DYNLRB1: variants seen among roughly 807,000 people sequenced by gnomAD.
The protein encoded by DYNLRB1 is ROBL/LC7-like 1.
DYNLRB1 carries 6 observed loss-of-function variants against 13.5 expected under a neutral mutation model. The ratio of observed to expected loss-of-function variants is 0.44; its 90% CI spans 0.24 to 0.88. The LOEUF (loss-of-function observed/expected upper bound fraction) is 0.88. Among genes scored for constraint, DYNLRB1 ranks in the 40% least tolerant of loss-of-function variants. The pLI, the probability that DYNLRB1 is intolerant of heterozygous loss-of-function variation, is 0.21. For synonymous variants in DYNLRB1, 43 were observed against 45.0 expected (o/e 0.96, Z 0.18); for missense variants, 93 against 127.2 (o/e 0.73, Z 1.29).
intron 1 of DYNLRB1, among the ~76,000 whole-genome samples, chr20:34,524,093 G>C (rs1260418679): frequency 6.6e-6 from 1 of 151,960 alleles, no homozygotes; most frequent in Non-Finnish European, 1.5e-5. Context: ...GACTTCTTTT[G>C]GATGCATAGA....
chr20:34,530,095 C>T (rs1304884723), intron 2 of DYNLRB1: 9 of 1,237,478 alleles, frequency 7.3e-6, no homozygotes, highest in Admixed American at 4.2e-5. Flanking sequence ...GAGACAACCC[C>T]AGGGGCCAAC....
At chr20:34,525,743 C>T (rs938372192) in intron 1 of DYNLRB1, among the ~76,000 whole-genome samples, 4 of 152,086 alleles carry the variant, frequency 2.6e-5, no homozygotes, top group African/African-American at 9.7e-5. Context: ...TCTGGGTAAT[C>T]AAGATTAATG....
chr20:34,538,201 C>T (rs1458634815), intron 3 of DYNLRB1, among the ~76,000 whole-genome samples: 1 of 147,160 alleles, frequency 6.8e-6, no homozygotes, highest in Non-Finnish European at 1.5e-5. Context: ...CTCCTAGGCT[C>T]AAGCGATTCT....
intron 3 of DYNLRB1, among the ~76,000 whole-genome samples, chr20:34,539,524 T>A (rs1189886596): frequency 6.6e-6 from 1 of 151,822 alleles, no homozygotes; most frequent in Non-Finnish European, 1.5e-5. Context: ...TACAAAACTT[T>A]TTTTTTTTCT....
chr20:34,525,960 A>C (rs1338220948), intron 1 of DYNLRB1, among the ~76,000 whole-genome samples: 2 of 152,194 alleles, frequency 1.3e-5, no homozygotes, highest in Non-Finnish European at 2.9e-5. Context: ...AGTCATGGAC[A>C]TGTATATACA....
intron 1 of DYNLRB1, among the ~76,000 whole-genome samples, chr20:34,518,927 C>CT (rs1245694025): frequency 1.3e-5 from 2 of 151,478 alleles, no homozygotes; most frequent in Non-Finnish European, 2.9e-5. Context: ...GAGTCTTGCC[C>CT]TTTCGCCCAG....
At chr20:34,527,465 C>T (rs1222187454) in intron 2 of DYNLRB1, among the ~76,000 whole-genome samples, 5 of 152,288 alleles carry the variant, frequency 3.3e-5, no homozygotes, top group Admixed American at 6.5e-5. Flanking sequence ...AGCTGTGAGG[C>T]ATTTGTTCAT....
At chr20:34,536,804 A>G (rs550509612) in intron 3 of DYNLRB1, among the ~76,000 whole-genome samples, 83 of 151,524 alleles carry the variant, frequency 5.5e-4, no homozygotes, top group African/African-American at 1.8e-3. Flanking sequence ...CCCTGTGCAC[A>G]GCAGACCTTG....
chr20:34,516,298 A>C, upstream of DYNLRB1: 2 of 1,215,244 alleles, frequency 1.6e-6, no homozygotes, highest in Non-Finnish European at 2.3e-6. Flanking sequence ...AGATTTTCCA[A>C]GAATCCTGGC....
At chr20:34,515,892 T>TTTTTG (rs1290577260), upstream of DYNLRB1, among the ~76,000 whole-genome samples, 4 of 151,688 alleles carry the variant, frequency 2.6e-5, no homozygotes, top group African/African-American at 7.3e-5. Flanking sequence ...ACCAGCATGG[T>TTTTTG]TTTTGTTTTG....
intron 3 of DYNLRB1, chr20:34,535,593 G>C (rs957444632): frequency 1.0e-6 from 1 of 971,630 alleles, no homozygotes; most frequent in Non-Finnish European, 1.2e-6. Flanking sequence ...CTCCAGGGCC[G>C]TCTTTGCATT....
intron 3 of DYNLRB1, among the ~76,000 whole-genome samples, chr20:34,537,265 C>T (rs977546636): frequency 2.2e-4 from 34 of 152,186 alleles, no homozygotes; most frequent in African/African-American, 7.5e-4. Context: ...GCGCGCTGAG[C>T]TTGTCTTACA....
rs77874699 is a variant in DYNLRB1 at position 34,521,669 on chromosome 20, A to G, written c.4-4599A>G. On this transcript the variant is annotated intron_variant, in intron 1 of 3. Coordinates refer to ENST00000357156, the MANE Select transcript of DYNLRB1 (RefSeq NM_014183.4). ...ATGTGTCAGGAATGTGCATCTGGGA[A>G]CTAGAGAATTGGGGAACCTTGTCTC... Among the ~76,000 whole-genome samples the G allele has an allele frequency of 4.5e-3, 679 of 152,212 alleles. 3 individuals carry two copies. Among genetic ancestry groups the G allele is most frequent in the African/African-American group, 0.014 (586 of 41,528 alleles).
intron 3 of DYNLRB1, chr20:34,535,633 G>T: frequency 1.0e-6 from 1 of 984,792 alleles, no homozygotes; most frequent in Non-Finnish European, 1.2e-6. Context: ...GCTTTTTCTT[G>T]GCTGAGCCAC....
intron 2 of DYNLRB1, chr20:34,533,674 C>A: frequency 4.5e-6 from 1 of 220,438 alleles, no homozygotes; most frequent in Non-Finnish European, 7.6e-6. Flanking sequence ...CAAAAATCAG[C>A]CAGGTGTGGT....
chr20:34,519,863 A>G (rs899437531), intron 1 of DYNLRB1, among the ~76,000 whole-genome samples: 1 of 152,188 alleles, frequency 6.6e-6, no homozygotes, highest in African/African-American at 2.4e-5. Context: ...GCCGGACACA[A>G]TGGCTGACGC....
At chr20:34,530,093 C>T (rs190606811) in intron 2 of DYNLRB1, 2 of 1,238,340 alleles carry the variant, frequency 1.6e-6, no homozygotes, top group African/African-American at 3.1e-5. Flanking sequence ...AGGAGACAAC[C>T]CCAGGGGCCA....
chr20:34,532,143 A>G (rs1292520298), intron 2 of DYNLRB1, among the ~76,000 whole-genome samples: 1 of 152,226 alleles, frequency 6.6e-6, no homozygotes. Flanking sequence ...GGGTTTAAGC[A>G]ATAGTCACAT....
intron 3 of DYNLRB1, among the ~76,000 whole-genome samples, chr20:34,538,698 G>A (rs942486888): frequency 1.3e-5 from 2 of 152,194 alleles, no homozygotes; most frequent in Non-Finnish European, 2.9e-5. Flanking sequence ...GGTTAGCCAT[G>A]AAACTGTTAG....
Sources: allele counts gnomAD v4.1 joint callset (sites outside exome capture counted in the v4.1 genomes callset), GRCh38; gene constraint gnomAD v4.1.1; transcripts MANE v1.5; gene names NCBI Gene and HGNC (gene_info 2026-07-23, HGNC 2026-07-21).